PRKG1: variants seen among roughly 807,000 people sequenced by gnomAD.
PRKG1 encodes the protein protein kinase cGMP-dependent 1, also known as cGMP-dependent protein kinase 1.
Under a neutral mutation model 88.1 loss-of-function variants are expected in PRKG1, and 35 were observed. The ratio of observed to expected loss-of-function variants is 0.40; its 90% CI spans 0.30 to 0.53. The LOEUF is 0.53. Ranked by LOEUF, PRKG1 falls within the 20% of genes least tolerant of loss-of-function variation. The pLI, the probability that PRKG1 is intolerant of heterozygous loss-of-function variation, is 0.59. For synonymous variants in PRKG1, 303 were observed against 292.5 expected, an observed-to-expected ratio of 1.04 and a Z score of -0.37; for missense variants, 540 against 839.8, an observed-to-expected ratio of 0.64 and a Z score of 4.41.
At chr10:51,363,899 C>T (rs868359657) in intron 2 of PRKG1, among the ~76,000 whole-genome samples, 5 of 151,890 alleles carry the variant, frequency 3.3e-5, no homozygotes, top group South Asian at 2.1e-4. Context: ...TGAGAATGTG[C>T]ATACTAAATA....
At chr10:51,948,365 G>C (rs2133047038) in intron 5 of PRKG1, among the ~76,000 whole-genome samples, 1 of 152,172 alleles carries the variant, frequency 6.6e-6, no homozygotes, top group South Asian at 2.1e-4. Flanking sequence ...TTTGTCTATA[G>C]TTTGTTGCCC....
intron 4 of PRKG1, among the ~76,000 whole-genome samples, chr10:51,817,347 A>ACCCCC (rs367740899): frequency 7.6e-4 from 98 of 129,556 alleles, no homozygotes; most frequent in Non-Finnish European, 1.2e-3. Context: ...TCCCTCCCCA[A>ACCCCC]CCCCCCCCCT....
chr10:51,003,972 G>GT (rs1045626853), intron 1 of PRKG1, among the ~76,000 whole-genome samples: 2 of 152,064 alleles, frequency 1.3e-5, no homozygotes, highest in African/African-American at 2.4e-5. Flanking sequence ...ATTTTGGCAA[G>GT]TTTTTTGCAA....
chr10:51,621,631 C>T (rs535490027), intron 3 of PRKG1, among the ~76,000 whole-genome samples: 1 of 152,258 alleles, frequency 6.6e-6, no homozygotes, highest in East Asian at 1.9e-4. Context: ...AAACCAAAAC[C>T]TCTATCTCTC....
chr10:51,896,510 A>T (rs1374250113), intron 4 of PRKG1, among the ~76,000 whole-genome samples: 1 of 151,534 alleles, frequency 6.6e-6, no homozygotes, highest in Non-Finnish European at 1.5e-5. Context: ...AGTGTTCGAG[A>T]CAAGCCTGGG....
chr10:51,948,016 C>T (rs1045148698), intron 5 of PRKG1, among the ~76,000 whole-genome samples: 1 of 151,902 alleles, frequency 6.6e-6, no homozygotes, highest in Non-Finnish European at 1.5e-5. Flanking sequence ...AAAGTTTATT[C>T]CTTGGTTTCT....
chr10:51,123,568 C>G (rs906265398), intron 1 of PRKG1, among the ~76,000 whole-genome samples: 3 of 151,966 alleles, frequency 2.0e-5, no homozygotes, highest in Non-Finnish European at 4.4e-5. Context: ...TTCCTGTAAT[C>G]CCAGCTACTC....
At chr10:51,737,972 G>T (rs1837333979) in intron 3 of PRKG1, among the ~76,000 whole-genome samples, 1 of 151,612 alleles carries the variant, frequency 6.6e-6, no homozygotes, top group African/African-American at 2.4e-5. Flanking sequence ...TAGAGACAGG[G>T]TTTTGCCATG....
At chr10:51,948,730 T>G (rs1267949501) in intron 5 of PRKG1, among the ~76,000 whole-genome samples, 1 of 152,148 alleles carries the variant, frequency 6.6e-6, no homozygotes, top group Non-Finnish European at 1.5e-5. Context: ...CACCACAACC[T>G]TTTTAAAATT....
Position 51,074,565 on chromosome 10 carries a change from A to G in PRKG1, c.-26A>G. 4 of 1,594,684 alleles carry G rather than the reference A, an allele frequency of 2.5e-6. No individual in the cohort carries two copies. Among genetic ancestry groups the G allele is most frequent in the Non-Finnish European group, 3.4e-6 (4 of 1,167,514 alleles). ...CTCAAGACGCGGAGCAGCGGCAGGAAGGAGCCCCCGGCAGCCCGGAGGAGC... is the reference window on the plus strand; with the variant it reads ...CTCAAGACGCGGAGCAGCGGCAGGAGGGAGCCCCCGGCAGCCCGGAGGAGC... On this transcript the variant is annotated 5_prime_UTR_variant, in exon 1 of 18. Transcript: ENST00000373980.
chr10:51,699,623 A>C (rs1841411031), intron 3 of PRKG1: 13 of 1,493,828 alleles, frequency 8.7e-6, no homozygotes, highest in Non-Finnish European at 1.2e-5. Flanking sequence ...ACTTCCGCTG[A>C]GCAACGGAAG....
intron 3 of PRKG1, among the ~76,000 whole-genome samples, chr10:51,774,058 G>A (rs1048772809): frequency 6.6e-6 from 1 of 152,088 alleles, no homozygotes; most frequent in South Asian, 2.1e-4. Context: ...TGTCTCAGTT[G>A]CTCTTTCTAA....
At chr10:52,277,613 T>C (rs1454586857) in intron 12 of PRKG1, among the ~76,000 whole-genome samples, 5 of 152,114 alleles carry the variant, frequency 3.3e-5, no homozygotes, top group African/African-American at 1.2e-4. Flanking sequence ...GACATATAGT[T>C]AATTGCTCAA....
intron 7 of PRKG1, among the ~76,000 whole-genome samples, chr10:52,120,381 T>C (rs1847792136): frequency 6.6e-6 from 1 of 152,102 alleles, no homozygotes; most frequent in Admixed American, 6.5e-5. Context: ...TTTAACTAGT[T>C]CAGCGTCAAC....
At chr10:51,049,378 T>C (rs919466336) in intron 1 of PRKG1, among the ~76,000 whole-genome samples, 30 of 152,258 alleles carry the variant, frequency 2.0e-4, no homozygotes, top group Admixed American at 6.5e-5. Context: ...GTAATTCATG[T>C]ATTTTTTCAG....
intron 1 of PRKG1, among the ~76,000 whole-genome samples, chr10:51,129,460 CA>C (rs1256510390): frequency 1.4e-5 from 2 of 147,576 alleles, no homozygotes; most frequent in East Asian, 3.9e-4. Context: ...AATAAATAAA[CA>C]AAGAAAAAAA....
chr10:52,072,085 G>T (rs1342112753), intron 7 of PRKG1, among the ~76,000 whole-genome samples: 1 of 150,178 alleles, frequency 6.7e-6, no homozygotes, highest in African/African-American at 2.5e-5. Context: ...CTCCTGTGCG[G>T]CTCCAGCTTG....
At chr10:51,810,945 T>A (rs1305106080) in intron 4 of PRKG1, among the ~76,000 whole-genome samples, 1 of 152,212 alleles carries the variant, frequency 6.6e-6, no homozygotes, top group East Asian at 1.9e-4. Context: ...ACCTCTGTGG[T>A]CTGATAAATC....
chr10:52,162,245 G>A (rs1268357306), intron 9 of PRKG1, among the ~76,000 whole-genome samples: 1 of 152,020 alleles, frequency 6.6e-6, no homozygotes, highest in Non-Finnish European at 1.5e-5. Context: ...TAAACCTGTT[G>A]TTTGTCCTCC....
Sources: allele counts gnomAD v4.1 joint callset (sites outside exome capture counted in the v4.1 genomes callset), GRCh38; gene constraint gnomAD v4.1.1; transcripts MANE v1.5; gene names NCBI Gene and HGNC (gene_info 2026-07-23, HGNC 2026-07-21).